The following CYTH3 variants were observed in gnomAD, a reference collection of about 807,000 sequenced individuals.
CYTH3 encodes cytohesin-3.
Under a neutral mutation model 55.1 loss-of-function variants are expected in CYTH3, and 23 were observed. The observed-to-expected ratio is 0.42, with a 90% confidence interval of 0.30 to 0.59. The LOEUF is 0.59. Among genes scored for constraint, CYTH3 ranks in the 20% least tolerant of loss-of-function variants. CYTH3 has a pLI of 0.20. For synonymous variants in CYTH3, 249 were observed against 194.9 expected (o/e 1.28, Z -2.31); for missense variants, 413 against 524.8 (o/e 0.79, Z 2.08).
At chr7:6,186,522 T>G (rs1344911085) in intron 4 of CYTH3, among the ~76,000 whole-genome samples, 1 of 152,200 alleles carries the variant, frequency 6.6e-6, no homozygotes, top group African/African-American at 2.4e-5. Flanking sequence ...AAGAGAAAGA[T>G]GCTGGCTTAA....
intron 1 of CYTH3, among the ~76,000 whole-genome samples, chr7:6,220,585 A>G (rs1488281163): frequency 6.6e-6 from 1 of 151,898 alleles, no homozygotes; most frequent in Non-Finnish European, 1.5e-5. Context: ...AAAAAAAAAA[A>G]AAAAAAAAAA....
At chr7:6,165,846 T>C in intron 9 of CYTH3, 36 bp from the exon 10 acceptor site, 1 of 1,610,804 alleles carries the variant, frequency 6.2e-7, no homozygotes, top group Middle Eastern at 1.7e-4. Flanking sequence ...CTGCGCTCCG[T>C]GCACAGGGAG....
chr7:6,221,762 AG>A (rs1343662605), intron 1 of CYTH3, among the ~76,000 whole-genome samples: 1 of 152,040 alleles, frequency 6.6e-6, no homozygotes, highest in African/African-American at 2.4e-5. Flanking sequence ...ACTCAGGGAG[AG>A]TGAGGTGGGA....
intron 1 of CYTH3, among the ~76,000 whole-genome samples, chr7:6,243,889 A>AT (rs1779738691): frequency 6.6e-6 from 1 of 152,218 alleles, no homozygotes; most frequent in African/African-American, 2.4e-5. Context: ...AGAGAAGTGA[A>AT]TTTTTAAAAA....
At position 6,163,074 on chromosome 7, in the gene CYTH3, T is replaced by C. The variant is rs1428602607; in HGVS notation, c.*1870A>G. The C allele has an allele frequency of 1.3e-5, 2 of 152,690 alleles. No individual in the cohort carries two copies. Among genetic ancestry groups the C allele is most frequent in the Non-Finnish European group, 1.5e-5 (1 of 68,068 alleles). The allele number at this position is 152,690 out of a possible 1,614,324, so 9.5% of individuals were successfully genotyped here. ...CCTTTCTCAGAACTAAAACTTCCGA[T>C]TTGAGGTATCAGTAACAAAGCCTAA... On this transcript the variant is annotated 3_prime_UTR_variant, in exon 13 of 13. Coordinates refer to ENST00000350796, the MANE Select transcript of CYTH3 (RefSeq NM_004227.4).
rs115532339 is a variant in CYTH3 at position 6,258,689 on chromosome 7, T to A, written c.34+13785A>T. On this transcript the variant is annotated intron_variant, in intron 1 of 12. Coordinates refer to ENST00000350796, the MANE Select transcript of CYTH3 (RefSeq NM_004227.4). ...GGCAACAGGCAACAGAGAAATAAAC[T>A]GGTTGTTCAATCCTTCTTCTGTCCC... Among the ~76,000 whole-genome samples, 1,157 of 152,312 alleles carry A rather than the reference T, an allele frequency of 7.6e-3. 18 individuals are homozygous for A. Among genetic ancestry groups the A allele is most frequent in the African/African-American group, 0.026 (1,068 of 41,564 alleles).
intron 4 of CYTH3, among the ~76,000 whole-genome samples, chr7:6,180,980 C>T (rs1480782492): frequency 6.6e-6 from 1 of 152,194 alleles, no homozygotes; most frequent in African/African-American, 2.4e-5. Flanking sequence ...TTCTATTTCA[C>T]AGGCCTTTCC....
At chr7:6,184,049 CTTTTTTTTT>C (rs60634853) in intron 4 of CYTH3, among the ~76,000 whole-genome samples, 59 of 46,398 alleles carry the variant, frequency 1.3e-3, no homozygotes, top group South Asian at 5.9e-3. Context: ...CCCTCTGTGG[CTTTTTTTTT>C]TTTTTTTTTT....
At chr7:6,187,576 C>A (rs1783686729) in intron 3 of CYTH3, 81 bp downstream of exon 3, 1 of 1,269,572 alleles carries the variant, frequency 7.9e-7, no homozygotes, top group African/African-American at 1.5e-5. Context: ...CACTCTCACC[C>A]CACTTTCTGC....
At chr7:6,208,011 G>C (rs555881484) in intron 1 of CYTH3, among the ~76,000 whole-genome samples, 1 of 152,090 alleles carries the variant, frequency 6.6e-6, no homozygotes, top group Non-Finnish European at 1.5e-5. Flanking sequence ...CTGTTCTATA[G>C]GATGATACTT....
At chr7:6,205,821 C>A (rs1159242515) in intron 1 of CYTH3, among the ~76,000 whole-genome samples, 2 of 126,106 alleles carry the variant, frequency 1.6e-5, no homozygotes, top group East Asian at 5.4e-4. Context: ...CTGCAGTGAG[C>A]TATGATCGGG....
At chr7:6,179,619 C>T (rs536806431) in intron 4 of CYTH3, among the ~76,000 whole-genome samples, 2 of 130,772 alleles carry the variant, frequency 1.5e-5, no homozygotes, top group Non-Finnish European at 3.1e-5. Context: ...ACCACACACA[C>T]ACACCCCCCA....
In CYTH3 at chr7:6,164,863, C is replaced by A; in HGVS notation, c.*81G>T. The stretch of plus-strand genomic sequence containing the variant: ...GCACCGCAGGGCGACTGCCTCCCTG[C>A]CACGCCTTCCGCGGAGGGGCCGCCC... On this transcript the variant is annotated 3_prime_UTR_variant, in exon 13 of 13. Transcript: ENST00000350796. 6.7e-7 allele frequency: 1 copy of A among 1,499,304 alleles called. No individual in the cohort carries two copies. 92.9% of individuals were successfully genotyped at this position (1,499,304 alleles called of 1,614,324 possible). A position where few individuals can be genotyped will look rare whatever the true frequency, so the allele number is the denominator to read the frequency against.
At chr7:6,191,600 T>TC (rs1385304543) in intron 1 of CYTH3, among the ~76,000 whole-genome samples, 3 of 148,956 alleles carry the variant, frequency 2.0e-5, no homozygotes, top group African/African-American at 7.4e-5. Context: ...ACTTTTTTTT[T>TC]TTTTTTTTTT....
intron 1 of CYTH3, among the ~76,000 whole-genome samples, chr7:6,228,616 C>T (rs1215564005): frequency 1.3e-5 from 2 of 152,326 alleles, no homozygotes; most frequent in East Asian, 3.9e-4. Context: ...AACTTCTTAT[C>T]TGCATCCAAA....
At chr7:6,244,342 C>A (rs906746148) in intron 1 of CYTH3, among the ~76,000 whole-genome samples, 4 of 152,210 alleles carry the variant, frequency 2.6e-5, no homozygotes, top group Admixed American at 1.3e-4. Context: ...ACTGCTTTTG[C>A]ATGTGCATTA....
At chr7:6,216,609 C>T (rs942362620) in intron 1 of CYTH3, among the ~76,000 whole-genome samples, 4 of 151,640 alleles carry the variant, frequency 2.6e-5, no homozygotes, top group Admixed American at 1.3e-4. Context: ...GGTGTGGTGA[C>T]GCACACCTAT....
At chr7:6,168,915 T>C (rs1427770224) in intron 9 of CYTH3, among the ~76,000 whole-genome samples, 1 of 152,054 alleles carries the variant, frequency 6.6e-6, no homozygotes, top group African/African-American at 2.4e-5. Context: ...CAAACGAACA[T>C]CCCACTTATC....
chr7:6,270,659 C>T (rs1365076458), intron 1 of CYTH3, among the ~76,000 whole-genome samples: 2 of 152,200 alleles, frequency 1.3e-5, no homozygotes, highest in African/African-American at 4.8e-5. Context: ...CTGCTGTTGG[C>T]GTTGCTGTTT....
Sources: allele counts gnomAD v4.1 joint callset (sites outside exome capture counted in the v4.1 genomes callset), GRCh38; gene constraint gnomAD v4.1.1; transcripts MANE v1.5; gene names NCBI Gene and HGNC (gene_info 2026-07-23, HGNC 2026-07-21).